SLC9C1: variants seen among roughly 807,000 people sequenced by gnomAD.
SLC9C1 encodes the protein sodium/hydrogen exchanger 10.
In SLC9C1, 97 loss-of-function variants were observed where a neutral mutation model predicts 140.9. The ratio of observed to expected loss-of-function variants is 0.69; its 90% CI spans 0.58 to 0.82. The LOEUF (loss-of-function observed/expected upper bound fraction) is 0.82. Among genes scored for constraint, SLC9C1 ranks in the 40% least tolerant of loss-of-function variants. SLC9C1 has a pLI of 0.00. For synonymous variants in SLC9C1, 440 were observed against 442.6 expected (o/e 0.99, Z 0.07); for missense variants, 1,340 against 1,389.3 (o/e 0.96, Z 0.56).
In SLC9C1 at chr3:112,264,181, A is replaced by G. The variant is rs978173178; in HGVS notation, c.1022+19T>C. 2 of 1,042,644 alleles carry G rather than the reference A, an allele frequency of 1.9e-6. No individual in the cohort carries two copies. Among genetic ancestry groups the G allele is most frequent in the Non-Finnish European group, 2.5e-6 (2 of 793,900 alleles). The allele number at this position is 1,042,644 out of a possible 1,614,324, so 64.6% of individuals were successfully genotyped here. A position where few individuals can be genotyped will look rare whatever the true frequency, so the allele number is the denominator to read the frequency against. On this transcript the variant is annotated intron_variant, in intron 9 of 28. Coordinates refer to ENST00000305815, the MANE Select transcript of SLC9C1 (RefSeq NM_183061.3). ...TACTCAATTATCTATAAATAGAAAA[A>G]TTTTAATGATGTTCTTACCTTAAAA...
At chr3:112,152,234 A>G (rs1252033334) in intron 27 of SLC9C1, among the ~76,000 whole-genome samples, 5 of 152,126 alleles carry the variant, frequency 3.3e-5, no homozygotes, top group Non-Finnish European at 4.4e-5. Context: ...TGGCAGGACT[A>G]TAGGGTAATG....
chr3:112,211,796 CA>C (rs933329057), intron 15 of SLC9C1, among the ~76,000 whole-genome samples: 20 of 152,200 alleles, frequency 1.3e-4, no homozygotes, highest in Non-Finnish European at 5.9e-5. Flanking sequence ...CATAGCCGAA[CA>C]AAAGGCAGCA....
intron 15 of SLC9C1, among the ~76,000 whole-genome samples, chr3:112,213,061 T>C (rs2078253130): frequency 6.6e-6 from 1 of 152,152 alleles, no homozygotes; most frequent in Non-Finnish European, 1.5e-5. Context: ...TCAACATTCT[T>C]AAAGAAAAGA....
chr3:112,164,148 T>C (rs1310215736), intron 26 of SLC9C1, among the ~76,000 whole-genome samples: 1 of 151,954 alleles, frequency 6.6e-6, no homozygotes, highest in Non-Finnish European at 1.5e-5. Context: ...CATCCTTTTA[T>C]TTGGAGCCTA....
intron 15 of SLC9C1, among the ~76,000 whole-genome samples, chr3:112,215,125 T>C (rs2078321312): frequency 6.6e-6 from 1 of 152,156 alleles, no homozygotes; most frequent in African/African-American, 2.4e-5. Context: ...ATTATCTCAA[T>C]AGATGCAGAA....
At chr3:112,255,525 T>C (rs1212155172) in intron 10 of SLC9C1, among the ~76,000 whole-genome samples, 1 of 152,068 alleles carries the variant, frequency 6.6e-6, no homozygotes, top group Non-Finnish European at 1.5e-5. Context: ...AAGAAGTTCT[T>C]CAAAACTAAT....
intron 12 of SLC9C1, among the ~76,000 whole-genome samples, chr3:112,234,911 G>T (rs1227751539): frequency 6.6e-6 from 1 of 152,000 alleles, no homozygotes; most frequent in Non-Finnish European, 1.5e-5. Flanking sequence ...CAGGTAGCAT[G>T]ATGCCTCCAG....
chr3:112,236,200 G>A (rs185040757), intron 12 of SLC9C1, among the ~76,000 whole-genome samples: 2 of 152,274 alleles, frequency 1.3e-5, no homozygotes, highest in East Asian at 3.9e-4. Flanking sequence ...AGTCTTGGGA[G>A]GGTGCATGTG....
intron 2 of SLC9C1, among the ~76,000 whole-genome samples, chr3:112,281,685 C>T (rs953835875): frequency 2.0e-5 from 3 of 151,858 alleles, no homozygotes; most frequent in East Asian, 1.9e-4. Flanking sequence ...TTGATCAAGA[C>T]GTTGAAGATT....
In SLC9C1 at chr3:112,151,869, A is replaced by G. The variant is rs1363651375; in HGVS notation, c.3512T>C (p.Leu1171Pro). ...FNCKESPRIN[L>P]RKVRKE ...CAGAGTGGCTTACCTGACTTTCCTT[A>G]GGTTTATTCTAGGGGACTCCTTACA... Residue 1171 changes from leucine (L) to proline (P), a missense_variant, in exon 28 of 29, where the codon CTA becomes CCA. Transcript: ENST00000305815. 1 of 1,612,416 alleles carries G rather than the reference A, an allele frequency of 6.2e-7. No homozygotes were observed. The highest frequency in any genetic ancestry group is 1.3e-5 in the African/African-American group (1 of 74,816).
chr3:112,275,494 T>A (rs2080188488), intron 5 of SLC9C1, among the ~76,000 whole-genome samples: 1 of 152,168 alleles, frequency 6.6e-6, no homozygotes, highest in Non-Finnish European at 1.5e-5. Context: ...TAGAAATCAA[T>A]CTCCATGAAT....
At chr3:112,183,366 T>TTTTTTTTTTTTTTTTTTTTTTTTC in intron 20 of SLC9C1, among the ~76,000 whole-genome samples, 1 of 120,582 alleles carries the variant, frequency 8.3e-6, no homozygotes, top group African/African-American at 3.0e-5. Flanking sequence ...TTTTTTTTTT[T>TTTTTTTTTTTTTTTTTTTTTTTTC]TTTTCAGCCA....
In SLC9C1 at chr3:112,164,410, C is replaced by T. The variant is rs1280706744; in HGVS notation, c.3364+2811G>A. On this transcript the variant is annotated intron_variant, in intron 26 of 28. Transcript: ENST00000305815. ...TGGCATGATTTTGCAGCAGCTGGTA[C>T]CGGTTGTTCCTTTCCATGTTTAGCG... Among the ~76,000 whole-genome samples the T allele has an allele frequency of 6.6e-5, 9 of 135,612 alleles. No homozygotes were observed. The Admixed American group carries it at 6.8e-4, about 10-fold the overall frequency. The allele number at this position is 135,612 out of a possible 152,430, so 89.0% of individuals were successfully genotyped here.
rs1424087499 is a variant in SLC9C1 at position 112,244,065 on chromosome 3, A to G, written c.1209T>C (p.His403=). 1 of 1,595,640 alleles carries G rather than the reference A, an allele frequency of 6.3e-7. No individual in the cohort carries two copies. Among genetic ancestry groups the G allele is most frequent in the East Asian group, 2.2e-5 (1 of 44,572 alleles). The change falls in exon 11 of 29, where the codon CAT becomes CAC. Residue 403 remains histidine (H), a synonymous_variant. Coordinates refer to ENST00000305815, the MANE Select transcript of SLC9C1 (RefSeq NM_183061.3). ...GGGTTATTAGGCATACTAACACTCCATGAAATAATATCTAGAATTGAAAAA... is the reference window on the plus strand; with the variant it reads ...GGGTTATTAGGCATACTAACACTCCGTGAAATAATATCTAGAATTGAAAAA... ...SDKEKSQILF[H]GVLVCLITLV...
intron 10 of SLC9C1, among the ~76,000 whole-genome samples, chr3:112,253,898 T>C (rs933393503): frequency 6.6e-6 from 1 of 152,032 alleles, no homozygotes; most frequent in African/African-American, 2.4e-5. Flanking sequence ...GATACACAGA[T>C]CTGATCTGAG....
At chr3:112,222,223 GCTTAGCAACA>G (rs1269291679) in intron 13 of SLC9C1, among the ~76,000 whole-genome samples, 2 of 152,146 alleles carry the variant, frequency 1.3e-5, no homozygotes, top group African/African-American at 4.8e-5. Context: ...TCTCGCGAAA[GCTTAGCAACA>G]CAAATACCAA....
chr3:112,188,939 G>C (rs2077593255), intron 20 of SLC9C1, among the ~76,000 whole-genome samples: 1 of 152,192 alleles, frequency 6.6e-6, no homozygotes, highest in Admixed American at 6.5e-5. Flanking sequence ...ACTGGTGTGA[G>C]ATGTTATCTC....
intron 8 of SLC9C1, 130 bp from the exon 9 acceptor site, chr3:112,264,473 T>G (rs147533805): frequency 0.014 from 5,745 of 406,578 alleles, 53 homozygotes; most frequent in Non-Finnish European, 0.018. Flanking sequence ...CAAACAACTT[T>G]GACTTGTAGC....
chr3:112,158,389 A>T (rs2075186977), intron 26 of SLC9C1, among the ~76,000 whole-genome samples: 1 of 152,106 alleles, frequency 6.6e-6, no homozygotes, highest in South Asian at 2.1e-4. Flanking sequence ...ATGATGAATG[A>T]CCTTTTTAAT....
Sources: gnomAD v4.1 joint callset for allele counts (sites outside exome capture counted in the v4.1 genomes callset) on GRCh38, gnomAD v4.1.1 for gene constraint, MANE v1.5 for transcripts, NCBI Gene and HGNC (gene_info 2026-07-23, HGNC 2026-07-21) for gene names.